Variants in PCDHGA7 observed in about 807,000 individuals in gnomAD.
PCDHGA7 encodes the protein protocadherin gamma-A7.
Under a neutral mutation model 58.3 loss-of-function variants are expected in PCDHGA7, and 44 were observed. The observed-to-expected ratio is 0.75, with a 90% confidence interval of 0.59 to 0.97. The LOEUF (loss-of-function observed/expected upper bound fraction) is 0.97, where lower values mean the gene tolerates loss of function less well. PCDHGA7 is among the 50% of genes least tolerant of loss of function. The probability of loss-of-function intolerance (pLI) is 0.00; values close to 1 mark genes in which losing one functional copy is unlikely to be tolerated. For synonymous variants in PCDHGA7, 516 were observed against 504.2 expected (o/e 1.02, Z -0.31); for missense variants, 1,266 against 1,188.7 (o/e 1.06, Z -0.96).
At chr5:141,495,089 C>G (rs1440289878) in intron 2 of PCDHGA7, among the ~76,000 whole-genome samples, 2 of 152,284 alleles carry the variant, frequency 1.3e-5, no homozygotes, top group East Asian at 3.9e-4. Flanking sequence ...TGCCCCTTCC[C>G]TCCTCGCCAC....
chr5:141,453,266 A>G (rs1322091044), intron 1 of PCDHGA7, among the ~76,000 whole-genome samples: 4 of 151,838 alleles, frequency 2.6e-5, no homozygotes. Flanking sequence ...AGTGCACACC[A>G]CCATGACTGG....
chr5:141,448,955 A>G (rs929888928), intron 1 of PCDHGA7, among the ~76,000 whole-genome samples: 1 of 152,174 alleles, frequency 6.6e-6, no homozygotes. Flanking sequence ...AAAAAAACAA[A>G]CAAACAAACA....
chr5:141,431,709 T>A lies in PCDHGA7; in HGVS notation c.2424+46386T>A. 6.2e-7 allele frequency: 1 copy of A among 1,614,168 alleles called. No individual in the cohort carries two copies. Among genetic ancestry groups the A allele is most frequent in the Non-Finnish European group, 8.5e-7 (1 of 1,180,018 alleles). ...CACGAGGAGTCAGGATTCTACCAGA[T>A]GGAAGTGCAAGCAATGGATAATGCA... On this transcript the variant is annotated intron_variant, in intron 1 of 3. Coordinates refer to ENST00000518325, the MANE Select transcript of PCDHGA7 (RefSeq NM_018920.4). This position sits in a 1 kb window ranked among gnomAD's most constrained non-coding sequence, Gnocchi z 4.8.
At position 141,414,543 on chromosome 5, in the gene PCDHGA7, C is replaced by T. The variant is rs369387885; in HGVS notation, c.2424+29220C>T. The T allele has an allele frequency of 5.0e-6, 8 of 1,613,880 alleles. No individual in the cohort carries two copies. The African/African-American group carries it at 1.1e-4, about 22-fold the overall frequency. ...ATATCAATGACAACCCACCTACCTT[C>T]TCTCAAGTCTCCTACTTTACCTATA... On this transcript the variant is annotated intron_variant, in intron 1 of 3. Transcript: ENST00000518325.
In PCDHGA7 at chr5:141,493,468, T is replaced by C. The variant is rs960204561; in HGVS notation, c.2425-1339T>C. On this transcript the variant is annotated intron_variant, in intron 1 of 3. Transcript: ENST00000518325. The surrounding 1 kb of genome is among the most constrained non-coding windows in gnomAD (Gnocchi z 4.3). ...TGGGGTTCCTTCCCTTTTAGGACCT[T>C]ACATGTGGGGAAAGTCTTCTGTGGC... Among the ~76,000 whole-genome samples the C allele has an allele frequency of 4.6e-5, 7 of 152,144 alleles. No individual in the cohort carries two copies. Among genetic ancestry groups the C allele is most frequent in the African/African-American group, 1.4e-4 (6 of 41,426 alleles).
Position 141,477,931 on chromosome 5 carries a change from G to T in PCDHGA7, c.2425-16876G>T. 6.2e-7 allele frequency: 1 copy of T among 1,614,138 alleles called. No homozygotes were observed. Among genetic ancestry groups the T allele is most frequent in the Non-Finnish European group, 8.5e-7 (1 of 1,180,040 alleles). ...ACGCGGATGCAGGGCACAATGCCTG[G>T]CTCTCCTACAGTCTCTTGGGATCCC... On this transcript the variant is annotated intron_variant, in intron 1 of 3. Coordinates refer to ENST00000518325, the MANE Select transcript of PCDHGA7 (RefSeq NM_018920.4). This position sits in a 1 kb window ranked among gnomAD's most constrained non-coding sequence, Gnocchi z 4.9.
intron 2 of PCDHGA7, among the ~76,000 whole-genome samples, chr5:141,498,068 A>G (rs765582921): frequency 6.6e-6 from 1 of 152,244 alleles, no homozygotes; most frequent in Non-Finnish European, 1.5e-5. Context: ...TGAAACTGTC[A>G]TAAGTGCTAG....
intron 1 of PCDHGA7, chr5:141,389,283 GC>G (rs775524674): frequency 6.2e-7 from 1 of 1,614,022 alleles, no homozygotes; most frequent in South Asian, 1.1e-5. Context: ...CCCGCCTGGA[GC>G]CTCTATTTCA....
chr5:141,442,131 A>T, intron 1 of PCDHGA7: 1 of 165,118 alleles, frequency 6.1e-6, no homozygotes, highest in Non-Finnish European at 1.3e-5. Context: ...GACAGCCTGC[A>T]GGAGACTCTG....
At position 141,385,223 on chromosome 5, in the gene PCDHGA7, A is replaced by C. The variant is rs766051345; in HGVS notation, c.2324A>C (p.Tyr775Ser). ...KSHLIFPQPNYVDMLISQESC... is the reference protein window; with the variant it reads ...KSHLIFPQPNSVDMLISQESC... ...CACCTGATCTTCCCCCAGCCCAACT[A>C]TGTAGACATGCTCATCAGCCAGGAG... The change falls in exon 1 of 4, where the codon TAT becomes TCT. Residue 775 changes from tyrosine (Y) to serine (S), a missense_variant. Coordinates refer to ENST00000518325, the MANE Select transcript of PCDHGA7 (RefSeq NM_018920.4). The C allele has an allele frequency of 3.7e-6, 6 of 1,614,184 alleles. No individual in the cohort carries two copies.
At chr5:141,500,728 T>C (rs556463739) in intron 2 of PCDHGA7, among the ~76,000 whole-genome samples, 1 of 152,310 alleles carries the variant, frequency 6.6e-6, no homozygotes, top group South Asian at 2.1e-4. Context: ...CCCATGTCTT[T>C]CAAAATTCTT....
chr5:141,399,794 C>G, intron 1 of PCDHGA7: 1 of 1,613,268 alleles, frequency 6.2e-7, no homozygotes, highest in South Asian at 1.1e-5. Flanking sequence ...GACAACGCAC[C>G]GCGGGTGCTG....
intron 1 of PCDHGA7, chr5:141,405,437 T>C: frequency 7.0e-7 from 1 of 1,433,230 alleles, no homozygotes; most frequent in Non-Finnish European, 9.6e-7. Flanking sequence ...GTTTTGTTTT[T>C]GAGACAGAGT....
rs754935227 is a variant in PCDHGA7 at position 141,395,069 on chromosome 5, C to G, written c.2424+9746C>G. The G allele has an allele frequency of 3.7e-6, 6 of 1,614,006 alleles. No homozygotes were observed. In the African/African-American group the frequency reaches 8.0e-5, roughly 22 times the overall value. ...AGGAGGTACAGGCTTTCCTGCAGAC[C>G]TATTCCCAGGAAGTCTCCCTCACCG... On this transcript the variant is annotated intron_variant, in intron 1 of 3. Transcript: ENST00000518325.
rs376996144 is a variant in PCDHGA7, at chr5:141,491,534, G to C, written c.2425-3273G>C. 3.7e-6 allele frequency: 6 copies of C among 1,613,912 alleles called. No homozygotes were observed. The highest frequency in any genetic ancestry group is 1.3e-5 in the African/African-American group (1 of 74,928). ...CTCAAGTACATGGAGGTGACGCTGC[G>C]GCCCACAGACTCGCAGAGCCACTGC... On this transcript the variant is annotated intron_variant, in intron 1 of 3. Coordinates refer to ENST00000518325, the MANE Select transcript of PCDHGA7 (RefSeq NM_018920.4). This position sits in a 1 kb window ranked among gnomAD's most constrained non-coding sequence, Gnocchi z 6.9.
intron 1 of PCDHGA7, chr5:141,421,294 A>G (rs779984795): frequency 1.9e-6 from 3 of 1,613,304 alleles, no homozygotes; most frequent in Non-Finnish European, 2.5e-6. Context: ...TTTCCTGGGG[A>G]CGCTGCGGGG....
chr5:141,469,573 CTAAA>C (rs1209972534), intron 1 of PCDHGA7, among the ~76,000 whole-genome samples: 2 of 151,554 alleles, frequency 1.3e-5, no homozygotes, highest in Non-Finnish European at 2.9e-5. Flanking sequence ...GACTCTGTCT[CTAAA>C]TAAATAAATA....
chr5:141,456,301 C>CA (rs761557752), intron 1 of PCDHGA7, among the ~76,000 whole-genome samples: 14 of 152,154 alleles, frequency 9.2e-5, no homozygotes, highest in Non-Finnish European at 1.6e-4. Flanking sequence ...TAATGGAGAA[C>CA]AGCAGCTAGG....
intron 1 of PCDHGA7, chr5:141,410,146 C>G: frequency 6.2e-7 from 1 of 1,612,390 alleles, no homozygotes. Flanking sequence ...CTGTGCGTGA[C>G]GGTGGACAGC....
Sources: allele counts gnomAD v4.1 joint callset (sites outside exome capture counted in the v4.1 genomes callset), GRCh38; gene constraint gnomAD v4.1.1; non-coding constraint Gnocchi (gnomAD v3.1); transcripts MANE v1.5; gene names NCBI Gene and HGNC (gene_info 2026-07-23, HGNC 2026-07-21).